Variants in CTNNA3 observed in about 807,000 individuals in gnomAD.
CTNNA3 encodes catenin alpha-3.
Under a neutral mutation model 95.7 loss-of-function variants are expected in CTNNA3, and 76 were observed. The observed-to-expected ratio is 0.79, with a 90% CI of 0.66 to 0.96. The LOEUF (loss-of-function observed/expected upper bound fraction) is 0.96. Ranked by LOEUF, CTNNA3 falls within the 40% of genes least tolerant of loss-of-function variation. CTNNA3 has a pLI of 0.00. For missense variants in CTNNA3, 1,191 were observed against 1,089.8 expected (o/e 1.09, Z -1.31); for synonymous variants, 431 against 374.4 (o/e 1.15, Z -1.74).
intron 5 of CTNNA3, among the ~76,000 whole-genome samples, chr10:67,458,888 T>C (rs1417975866): frequency 7.8e-6 from 1 of 127,552 alleles, no homozygotes; most frequent in Non-Finnish European, 1.7e-5. Context: ...GGACAAAAAG[T>C]GAAACCATAT....
chr10:67,445,814 A>C (rs556832654), intron 5 of CTNNA3, among the ~76,000 whole-genome samples: 1 of 152,134 alleles, frequency 6.6e-6, no homozygotes, highest in African/African-American at 2.4e-5. Flanking sequence ...TATTTCAGCA[A>C]ATTACTGCAT....
chr10:67,056,148 C>G (rs970772864), intron 7 of CTNNA3, among the ~76,000 whole-genome samples: 3 of 152,152 alleles, frequency 2.0e-5, no homozygotes, highest in Non-Finnish European at 4.4e-5. Flanking sequence ...GAAATACATA[C>G]TGTCGCCCAT....
chr10:66,873,449 GC>G (rs1715996642), intron 7 of CTNNA3, among the ~76,000 whole-genome samples: 2 of 151,254 alleles, frequency 1.3e-5, no homozygotes, highest in African/African-American at 4.9e-5. Flanking sequence ...GTTTTGATTT[GC>G]ATTTCTCTGA....
intron 15 of CTNNA3, among the ~76,000 whole-genome samples, chr10:66,058,363 G>GT (rs2080126231): frequency 6.6e-6 from 1 of 152,108 alleles, no homozygotes; most frequent in Non-Finnish European, 1.5e-5. Context: ...ATGCAAGCTT[G>GT]TTTCCAGTGG....
chr10:66,466,339 T>TATACACACAC (rs753509503), intron 11 of CTNNA3, among the ~76,000 whole-genome samples: 21 of 141,844 alleles, frequency 1.5e-4, no homozygotes, highest in African/African-American at 5.3e-4. Context: ...CACCCACCTA[T>TATACACACAC]ACACACACAC....
chr10:66,425,528 C>T (rs954696340), intron 11 of CTNNA3, among the ~76,000 whole-genome samples: 1 of 151,894 alleles, frequency 6.6e-6, no homozygotes, highest in Non-Finnish European at 1.5e-5. Flanking sequence ...GTATGTCCTG[C>T]CTACCAACTA....
chr10:67,328,646 G>A (rs1307955091), intron 5 of CTNNA3, among the ~76,000 whole-genome samples: 1 of 152,190 alleles, frequency 6.6e-6, no homozygotes, highest in Non-Finnish European at 1.5e-5. Flanking sequence ...AGGAATGAGT[G>A]TGGGTATACT....
At chr10:67,050,231 C>T (rs7905097) in intron 7 of CTNNA3, among the ~76,000 whole-genome samples, 98,305 of 152,122 alleles carry the variant, frequency 0.65, 32,203 homozygotes, top group East Asian at 0.78. Context: ...GCATTATTCC[C>T]AATTTGCATA....
intron 12 of CTNNA3, among the ~76,000 whole-genome samples, chr10:66,334,391 C>T (rs529881477): frequency 5.4e-4 from 82 of 151,872 alleles, no homozygotes; most frequent in African/African-American, 1.9e-3. Context: ...ATGTGTAGTG[C>T]TTCCTTCAGG....
intron 2 of CTNNA3, among the ~76,000 whole-genome samples, chr10:67,632,429 G>A (rs1037017970): frequency 1.3e-5 from 2 of 152,058 alleles, no homozygotes; most frequent in Admixed American, 6.6e-5. Flanking sequence ...TGCGGTCTGC[G>A]CACTCAGAGA....
intron 5 of CTNNA3, among the ~76,000 whole-genome samples, chr10:67,425,535 A>G (rs1845894615): frequency 6.6e-6 from 1 of 152,052 alleles, no homozygotes; most frequent in Non-Finnish European, 1.5e-5. Flanking sequence ...AAGAGGAAAA[A>G]AAAACCGTGC....
At chr10:65,935,158 G>T (rs2077315776) in intron 17 of CTNNA3, among the ~76,000 whole-genome samples, 2 of 152,258 alleles carry the variant, frequency 1.3e-5, no homozygotes, top group African/African-American at 4.8e-5. Context: ...GGCTACAACA[G>T]TAGTCCGTTG....
chr10:66,144,768 G>T (rs568324206), intron 13 of CTNNA3, among the ~76,000 whole-genome samples: 2 of 152,152 alleles, frequency 1.3e-5, no homozygotes. Flanking sequence ...GATTACAGGC[G>T]TGAGCCATGA....
chr10:66,875,496 A>C (rs1185124913), intron 7 of CTNNA3, among the ~76,000 whole-genome samples: 1 of 152,158 alleles, frequency 6.6e-6, no homozygotes, highest in Non-Finnish European at 1.5e-5. Flanking sequence ...GCATAAGAAA[A>C]GTGATCAAAA....
At chr10:66,798,942 G>C (rs1841320877) in intron 7 of CTNNA3, among the ~76,000 whole-genome samples, 1 of 151,644 alleles carries the variant, frequency 6.6e-6, no homozygotes, top group African/African-American at 2.4e-5. Context: ...CAAGTAAAGA[G>C]AGTATAATTC....
At chr10:66,896,086 A>G (rs1446358060) in intron 7 of CTNNA3, among the ~76,000 whole-genome samples, 2 of 152,084 alleles carry the variant, frequency 1.3e-5, no homozygotes, top group Non-Finnish European at 2.9e-5. Context: ...AACAAGAGTT[A>G]AACTTCATCT....
At chr10:67,096,678 C>T (rs938813556) in intron 7 of CTNNA3, among the ~76,000 whole-genome samples, 31 of 151,746 alleles carry the variant, frequency 2.0e-4, no homozygotes, top group African/African-American at 6.8e-4. Flanking sequence ...ATTTCAGGCT[C>T]CCCTTTGTCT....
intron 7 of CTNNA3, among the ~76,000 whole-genome samples, chr10:66,944,561 G>T (rs1848184266): frequency 6.6e-6 from 1 of 152,088 alleles, no homozygotes; most frequent in Non-Finnish European, 1.5e-5. Flanking sequence ...ATTTAGAATG[G>T]TGACTCTTAC....
At chr10:67,762,513 G>A (rs541111511) in intron 1 of CTNNA3, among the ~76,000 whole-genome samples, 15 of 152,076 alleles carry the variant, frequency 9.9e-5, no homozygotes, top group South Asian at 6.2e-4. Flanking sequence ...CAGAAGAAAA[G>A]GAACTTCCAG....
Sources: gnomAD v4.1 joint callset for allele counts (sites outside exome capture counted in the v4.1 genomes callset) on GRCh38, gnomAD v4.1.1 for gene constraint, MANE v1.5 for transcripts, NCBI Gene and HGNC (gene_info 2026-07-23, HGNC 2026-07-21) for gene names.